LARS2: variants seen among roughly 807,000 people sequenced by gnomAD.
LARS2 encodes the protein leucyl-tRNA synthetase 2, mitochondrial.
Under a neutral mutation model 116.6 loss-of-function variants are expected in LARS2, and 81 were observed. That is an observed-to-expected ratio of 0.69 (90% CI 0.58 to 0.84). The LOEUF (loss-of-function observed/expected upper bound fraction) is 0.84, where lower values mean the gene tolerates loss of function less well. Among genes scored for constraint, LARS2 ranks in the 40% least tolerant of loss-of-function variants. LARS2 has a pLI of 0.00. For synonymous variants in LARS2, 396 were observed against 407.2 expected, an observed-to-expected ratio of 0.97 and a Z score of 0.33; for missense variants, 968 against 1,114.5, an observed-to-expected ratio of 0.87 and a Z score of 1.87.
chr3:45,538,656 G>T (rs1385230025), intron 20 of LARS2, among the ~76,000 whole-genome samples: 1 of 152,216 alleles, frequency 6.6e-6, no homozygotes, highest in Non-Finnish European at 1.5e-5. Context: ...CAGCTCCTAA[G>T]GAGTCTTCAC....
intron 21 of LARS2, among the ~76,000 whole-genome samples, chr3:45,544,288 G>A (rs988771585): frequency 6.6e-6 from 1 of 152,240 alleles, no homozygotes; most frequent in Admixed American, 6.5e-5. Flanking sequence ...GTCACACACA[G>A]TTTATGTAAG....
At chr3:45,446,736 G>T (rs1244498442) in intron 6 of LARS2, among the ~76,000 whole-genome samples, 155 bp from the exon 7 acceptor site, 2 of 152,196 alleles carry the variant, frequency 1.3e-5, no homozygotes, top group East Asian at 3.8e-4. Flanking sequence ...AATAAATTGT[G>T]ACTCTCCTTA....
chr3:45,542,951 C>A (rs758817057), intron 21 of LARS2, among the ~76,000 whole-genome samples: 1 of 152,260 alleles, frequency 6.6e-6, no homozygotes, highest in East Asian at 1.9e-4. Flanking sequence ...AACAAACCCA[C>A]CTAGGGGCTG....
At chr3:45,417,904 C>T (rs1198661522) in intron 5 of LARS2, among the ~76,000 whole-genome samples, 1 of 152,166 alleles carries the variant, frequency 6.6e-6, no homozygotes, top group East Asian at 1.9e-4. Context: ...TATAATGCTT[C>T]TGGTCTTCTT....
chr3:45,436,783 A>G (rs1213981188), intron 6 of LARS2, among the ~76,000 whole-genome samples: 2 of 143,008 alleles, frequency 1.4e-5, no homozygotes, highest in African/African-American at 5.1e-5. Flanking sequence ...CCTGGGCGAC[A>G]GAGCGAGACT....
chr3:45,546,287 G>A (rs775186788), intron 21 of LARS2, among the ~76,000 whole-genome samples: 16 of 152,204 alleles, frequency 1.1e-4, no homozygotes, highest in Non-Finnish European at 1.8e-4. Context: ...AGCTTCTAAT[G>A]GCTCAGAAAC....
intron 19 of LARS2, among the ~76,000 whole-genome samples, chr3:45,520,772 C>T (rs1700440500): frequency 6.6e-6 from 1 of 152,216 alleles, no homozygotes; most frequent in African/African-American, 2.4e-5. Flanking sequence ...CTAAGTGTGA[C>T]TACCATTTTT....
chr3:45,460,402 T>C (rs191260351), intron 8 of LARS2, among the ~76,000 whole-genome samples: 235 of 152,348 alleles, frequency 1.5e-3, no homozygotes, highest in African/African-American at 5.5e-3. Context: ...TGTCAGATGA[T>C]TCTGTTATAG....
chr3:45,501,692 T>C (rs1373325787), intron 15 of LARS2, among the ~76,000 whole-genome samples: 1 of 152,228 alleles, frequency 6.6e-6, no homozygotes, highest in Non-Finnish European at 1.5e-5. Context: ...AATGTGTACC[T>C]AAGAGTAGAA....
chr3:45,404,265 CTCCT>C (rs1371151023), intron 4 of LARS2, among the ~76,000 whole-genome samples: 4 of 152,154 alleles, frequency 2.6e-5, no homozygotes, highest in African/African-American at 4.8e-5. Context: ...TCTCTAGGTT[CTCCT>C]GAAATTAATT....
At chr3:45,448,571 G>A (rs571458912) in intron 7 of LARS2, among the ~76,000 whole-genome samples, 71 of 152,234 alleles carry the variant, frequency 4.7e-4, no homozygotes, top group Non-Finnish European at 3.4e-4. Flanking sequence ...TGAGAGCCCC[G>A]AACAGAGATT....
rs1201177254 is a variant in LARS2 at position 45,419,540 on chromosome 3, C to T, written c.456-129C>T. On this transcript the variant is annotated intron_variant, in intron 5 of 21. Coordinates refer to ENST00000645846, the MANE Select transcript of LARS2 (RefSeq NM_015340.4). ...TTAGTGGTTGATTTTTCTGCTAGGG[C>T]AAAGCAACACTTAAAACCCATTTGA... is the stretch of plus-strand genomic sequence containing the variant. The T allele has an allele frequency of 5.7e-6, 4 of 699,592 alleles. No homozygotes were observed. The East Asian group carries it at 1.1e-4, about 19-fold the overall frequency. 43.3% of individuals were successfully genotyped at this position (699,592 alleles called of 1,614,324 possible). A position where few individuals can be genotyped will look rare whatever the true frequency, so the allele number is the denominator to read the frequency against.
chr3:45,536,536 G>A (rs1413328502), intron 20 of LARS2, among the ~76,000 whole-genome samples: 1 of 152,206 alleles, frequency 6.6e-6, no homozygotes, highest in African/African-American at 2.4e-5. Context: ...GCCTGCAGGA[G>A]CACTCGGAGC....
chr3:45,513,428 C>A lies in LARS2; in HGVS notation c.1861+193C>A, dbSNP rs114889092. Among the ~76,000 whole-genome samples, 2,066 of 152,354 alleles carry A rather than the reference C, an allele frequency of 0.014. 30 individuals carry two copies. The highest frequency in any genetic ancestry group is 0.047 in the African/African-American group (1,965 of 41,580). On this transcript the variant is annotated intron_variant, in intron 16 of 21. Coordinates refer to ENST00000645846, the MANE Select transcript of LARS2 (RefSeq NM_015340.4). ...TGAAGCCTGGTCCTGGACTGGCCGT[C>A]TGCTCCTCTGCTGCAGCCCCCTTCA...
intron 15 of LARS2, among the ~76,000 whole-genome samples, chr3:45,503,960 T>A (rs929502128): frequency 6.6e-6 from 1 of 152,090 alleles, no homozygotes; most frequent in African/African-American, 2.4e-5. Context: ...TATCCCCACG[T>A]GTGTTTTTAT....
chr3:45,420,077 A>T (rs905092643), intron 6 of LARS2, among the ~76,000 whole-genome samples: 4 of 152,238 alleles, frequency 2.6e-5, no homozygotes, highest in Non-Finnish European at 4.4e-5. Context: ...CTGGTCCTTG[A>T]AGTAATTAGA....
At chr3:45,410,344 G>A (rs1023039982) in intron 4 of LARS2, among the ~76,000 whole-genome samples, 3 of 141,938 alleles carry the variant, frequency 2.1e-5, no homozygotes, top group African/African-American at 5.3e-5. Flanking sequence ...AATTTAAAAA[G>A]AAAAAGAGAA....
intron 20 of LARS2, among the ~76,000 whole-genome samples, chr3:45,527,347 G>A (rs921826190): frequency 4.6e-5 from 7 of 152,134 alleles, no homozygotes; most frequent in African/African-American, 1.2e-4. Context: ...TTATCTTGCC[G>A]GGCGCGGTGG....
intron 20 of LARS2, among the ~76,000 whole-genome samples, chr3:45,531,296 A>T (rs2624664): frequency 0.88 from 134,391 of 152,194 alleles, 61,670 homozygotes; most frequent in East Asian, 1. Flanking sequence ...TCCAAGTAAC[A>T]TGAATCCTCT....
Sources: allele counts gnomAD v4.1 joint callset (sites outside exome capture counted in the v4.1 genomes callset), GRCh38; gene constraint gnomAD v4.1.1; transcripts MANE v1.5; gene names NCBI Gene and HGNC (gene_info 2026-07-23, HGNC 2026-07-21).